The following FHIP1B variants were observed in gnomAD, a reference collection of about 807,000 sequenced individuals.
The protein encoded by FHIP1B is FHF complex subunit HOOK interacting protein 1B, also known as FHF complex subunit HOOK-interacting protein 1B.
FHIP1B carries 28 observed loss-of-function variants against 82.2 expected under a neutral mutation model. The ratio of observed to expected loss-of-function variants is 0.34; its 90% CI spans 0.25 to 0.47. The LOEUF (loss-of-function observed/expected upper bound fraction) is 0.47, where lower values mean the gene tolerates loss of function less well. FHIP1B is among the 20% of genes least tolerant of loss of function. FHIP1B has a pLI of 1.00. For missense variants in FHIP1B, 1,110 were observed against 1,262.6 expected (o/e 0.88, Z 1.83); for synonymous variants, 585 against 516.1 (o/e 1.13, Z -1.81).
intron 9 of FHIP1B, 168 bp downstream of exon 9, chr11:6,217,203 G>A (rs189196617): frequency 1.4e-6 from 1 of 722,402 alleles, no homozygotes; most frequent in African/African-American, 1.7e-5. Context: ...CAGACACAGG[G>A]ACACAAGTAT....
At chr11:6,225,053 A>C (rs1163305928) in intron 1 of FHIP1B, among the ~76,000 whole-genome samples, 1 of 152,232 alleles carries the variant, frequency 6.6e-6, no homozygotes, top group African/African-American at 2.4e-5. Flanking sequence ...AGTAGCTTCC[A>C]ATCTGGTCTC....
rs1847246199 is a variant in FHIP1B at position 6,217,007 on chromosome 11, G to A, written c.2215+364C>T. ...CCTCTCCATACAGGACAGCACATAC[G>A]TCTTCAATATGGTTCAGAAATATTG... On this transcript the variant is annotated intron_variant, in intron 9 of 11. Transcript: ENST00000449352. 7 of 676,910 alleles carry A rather than the reference G, an allele frequency of 1.0e-5. 1 individual carries two copies. The highest frequency in any genetic ancestry group is 4.9e-5 in the South Asian group (3 of 61,048). 41.9% of individuals were successfully genotyped at this position (676,910 alleles called of 1,614,324 possible).
chr11:6,223,325 G>A lies in FHIP1B; in HGVS notation c.778-87C>T. The A allele has an allele frequency of 2.2e-6, 3 of 1,367,556 alleles. No homozygotes were observed. The highest frequency in any genetic ancestry group is 1.3e-5 in the South Asian group (1 of 75,874). 84.7% of individuals were successfully genotyped at this position (1,367,556 alleles called of 1,614,324 possible). A position where few individuals can be genotyped will look rare whatever the true frequency, so the allele number is the denominator to read the frequency against. ...AGGGGAGCTAGTAATCCAGAGTTTT[G>A]ATGGGAATAGGGGTATAAGCTATTA... On this transcript the variant is annotated intron_variant, in intron 3 of 11. Coordinates refer to ENST00000449352, the MANE Select transcript of FHIP1B (RefSeq NM_001098794.2). This position sits in a 1 kb window ranked among gnomAD's most constrained non-coding sequence, Gnocchi z 4.8.
At chr11:6,214,686 GC>G in intron 10 of FHIP1B, 46 bp downstream of exon 10, 1 of 1,544,800 alleles carries the variant, frequency 6.5e-7, no homozygotes, top group South Asian at 1.2e-5. Flanking sequence ...TGCGGGCCTG[GC>G]CCACCACGGA....
In FHIP1B at chr11:6,223,583, C is replaced by T. The variant is rs1564866262; in HGVS notation, c.777+27G>A. 1 of 1,556,312 alleles carries T rather than the reference C, an allele frequency of 6.4e-7. No individual in the cohort carries two copies. Among genetic ancestry groups the T allele is most frequent in the Non-Finnish European group, 8.7e-7 (1 of 1,151,146 alleles). Reference sequence around the variant, plus strand: ...CTGTTCAGTATCTACACACCACACCCTACCCTCCAAGCCAGGGGGTGCTAA... The same window carrying T: ...CTGTTCAGTATCTACACACCACACCTTACCCTCCAAGCCAGGGGGTGCTAA... On this transcript the variant is annotated intron_variant, in intron 3 of 11. Coordinates refer to ENST00000449352, the MANE Select transcript of FHIP1B (RefSeq NM_001098794.2). The surrounding 1 kb of genome is among the most constrained non-coding windows in gnomAD (Gnocchi z 4.8).
rs563833740 is a variant in FHIP1B at position 6,234,279 on chromosome 11, C to T, written c.-192+265G>A. 2.6e-5 allele frequency among the ~76,000 whole-genome samples: 4 copies of T among 152,184 alleles called. No individual in the cohort carries two copies. The East Asian group carries it at 7.7e-4, about 29-fold the overall frequency. On this transcript the variant is annotated intron_variant, in intron 1 of 11. Coordinates refer to ENST00000449352, the MANE Select transcript of FHIP1B (RefSeq NM_001098794.2). The stretch of plus-strand genomic sequence containing the variant: ...TCTAGTCCCAGGGTATCCTTCACAC[C>T]AGCCCTCAGTAGCCCCAGCCCTAGT...
At chr11:6,211,974 GT>G in intron 11 of FHIP1B, 107 bp from the exon 12 acceptor site, 5 of 1,440,998 alleles carry the variant, frequency 3.5e-6, no homozygotes, top group Non-Finnish European at 4.5e-6. Flanking sequence ...CTCCTTTAGG[GT>G]TCTGAGGAAA....
intron 1 of FHIP1B, among the ~76,000 whole-genome samples, chr11:6,232,972 A>G (rs1356069767): frequency 1.3e-5 from 2 of 152,132 alleles, no homozygotes; most frequent in African/African-American, 4.8e-5. Flanking sequence ...GAATAACCAT[A>G]CTGTCTTTCT....
In FHIP1B at chr11:6,214,505, C is replaced by G. The variant is rs1256602270; in HGVS notation, c.2463G>C (p.Leu821=). 3.7e-6 allele frequency: 6 copies of G among 1,614,196 alleles called. No individual in the cohort carries two copies. The highest frequency in any genetic ancestry group is 1.1e-5 in the South Asian group (1 of 91,086). Reference sequence around the variant, plus strand: ...CAATGAGGTACTTCTTGGCTTTGGACAGCAGTGCTGGGAAGTCCTCCTGGG... The same window carrying G: ...CAATGAGGTACTTCTTGGCTTTGGAGAGCAGTGCTGGGAAGTCCTCCTGGG... ...AASQEDFPAL[L]SKAKKYLIAR... Residue 821 remains leucine, a synonymous_variant, in exon 11 of 12, where the codon CTG becomes CTC. Coordinates refer to ENST00000449352, the MANE Select transcript of FHIP1B (RefSeq NM_001098794.2).
intron 1 of FHIP1B, among the ~76,000 whole-genome samples, chr11:6,225,402 CCCTG>C (rs1251593194): frequency 5.9e-5 from 9 of 152,192 alleles, no homozygotes; most frequent in Admixed American, 2.0e-4. Context: ...CCCAGATAGG[CCCTG>C]CCTAACAATT....
chr11:6,224,629 T>C lies in FHIP1B; in HGVS notation c.-113A>G. 8.8e-7 allele frequency: 1 copy of C among 1,141,414 alleles called. No homozygotes were observed. Among genetic ancestry groups the C allele is most frequent in the Non-Finnish European group, 1.2e-6 (1 of 819,974 alleles). The allele number at this position is 1,141,414 out of a possible 1,614,324, so 70.7% of individuals were successfully genotyped here. A position where few individuals can be genotyped will look rare whatever the true frequency, so the allele number is the denominator to read the frequency against. On this transcript the variant is annotated 5_prime_UTR_variant, in exon 2 of 12. Coordinates refer to ENST00000449352, the MANE Select transcript of FHIP1B (RefSeq NM_001098794.2). Reference sequence around the variant, plus strand: ...GCTTCATCCGGTCTGTAGGAGCCAGTAGCTGCCCATGGAGCCAGAGGTTAT... The same window carrying C: ...GCTTCATCCGGTCTGTAGGAGCCAGCAGCTGCCCATGGAGCCAGAGGTTAT...
chr11:6,227,185 A>G (rs2133836649), intron 1 of FHIP1B, among the ~76,000 whole-genome samples: 1 of 152,354 alleles, frequency 6.6e-6, no homozygotes, highest in Middle Eastern at 3.4e-3. Context: ...TACAGCAAAC[A>G]TATATTTACT....
chr11:6,220,221 G>A (rs1024373708), intron 6 of FHIP1B, among the ~76,000 whole-genome samples: 2 of 152,168 alleles, frequency 1.3e-5, no homozygotes, highest in African/African-American at 4.8e-5. Flanking sequence ...GAATCTGGTT[G>A]CTCTACAGGC....
In FHIP1B at chr11:6,214,417, G is replaced by C. The variant is rs745873221; in HGVS notation, c.2551C>G (p.Pro851Ala). ...AAGPAPRRSD[P>A]LVKSRRPSLG... ...GTGGTGGGATAGGCCTCACCTAGGGGATCAGAACGGCGTGGGGCAGGTCCT... is the reference window on the plus strand; with the variant it reads ...GTGGTGGGATAGGCCTCACCTAGGGCATCAGAACGGCGTGGGGCAGGTCCT... The change falls in exon 11 of 12, where the codon CCC (proline) becomes GCC (alanine). Residue 851 changes from proline to alanine, a missense_variant. Around this residue, in one of 6 missense-constraint regions of FHIP1B, gnomAD observed 147 missense variants for 154.0 expected, o/e 0.95. Transcript: ENST00000449352. The C allele has an allele frequency of 1.6e-5, 25 of 1,609,374 alleles. No individual in the cohort carries two copies. Among genetic ancestry groups the C allele is most frequent in the Non-Finnish European group, 2.1e-5 (25 of 1,177,612 alleles).
rs778417119 is a variant in FHIP1B at position 6,222,433 on chromosome 11, G to A, written c.1191+9C>T. ...TCCAGGTAAGCTAGGACAGGGGTAA[G>A]GGCCATACCCGGGAGTTACTGCCAA... On this transcript the variant is annotated intron_variant, in intron 6 of 11. Coordinates refer to ENST00000449352, the MANE Select transcript of FHIP1B (RefSeq NM_001098794.2). The A allele has an allele frequency of 2.5e-6, 4 of 1,613,476 alleles. No individual in the cohort carries two copies. Among genetic ancestry groups the A allele is most frequent in the South Asian group, 1.1e-5 (1 of 91,018 alleles).
chr11:6,224,150 C>T lies in FHIP1B; in HGVS notation c.237G>A (p.Leu79=). ...AGGGAACTGCACGGTCCTCTGCCAG[C>T]AGTGTCAACATCTGGTAAGTGTGGT... ...VRNHTYQMLT[L]LAEDRAVPSA... is the part of the protein sequence containing the mutation. The change falls in exon 3 of 12, where the codon CTG becomes CTA. Residue 79 remains leucine (L), a synonymous_variant. Transcript: ENST00000449352. 1 of 1,614,130 alleles carries T rather than the reference C, an allele frequency of 6.2e-7. No individual in the cohort carries two copies. The highest frequency in any genetic ancestry group is 1.1e-5 in the South Asian group (1 of 91,072).
At chr11:6,215,173 C>G (rs1847191245) in intron 9 of FHIP1B, 1 of 342,508 alleles carries the variant, frequency 2.9e-6, no homozygotes, top group African/African-American at 2.1e-5. Context: ...TCTGAAAGAT[C>G]TGGTTTCACT....
At chr11:6,213,292 C>A (rs533655922) in intron 11 of FHIP1B, among the ~76,000 whole-genome samples, 2 of 152,350 alleles carry the variant, frequency 1.3e-5, no homozygotes, top group Non-Finnish European at 2.9e-5. Context: ...ATTTTGCCTT[C>A]TACTTCGATT....
At chr11:6,222,333 G>T in intron 6 of FHIP1B, 109 bp downstream of exon 6, 1 of 1,219,236 alleles carries the variant, frequency 8.2e-7, no homozygotes, top group Non-Finnish European at 1.2e-6. Context: ...ATTTTGAGGT[G>T]ACTGCTGGAG....
Sources: allele counts gnomAD v4.1 joint callset (sites outside exome capture counted in the v4.1 genomes callset), GRCh38; gene constraint gnomAD v4.1.1; regional missense constraint gnomAD v4.1.1; non-coding constraint Gnocchi (gnomAD v3.1); transcripts MANE v1.5; gene names NCBI Gene and HGNC (gene_info 2026-07-23, HGNC 2026-07-21).